The following GABRG3 variants were observed in gnomAD, a reference collection of about 807,000 sequenced individuals.
GABRG3 encodes the protein gamma-aminobutyric acid type A receptor subunit gamma3.
GABRG3 carries 25 observed loss-of-function variants against 48.8 expected under a neutral mutation model. The ratio of observed to expected loss-of-function variants is 0.51; its 90% CI spans 0.37 to 0.72. GABRG3 has a LOEUF of 0.72. GABRG3 is among the 30% of genes least tolerant of loss of function. GABRG3 has a pLI of 0.00. For missense variants in GABRG3, 394 were observed against 577.9 expected, an observed-to-expected ratio of 0.68 and a Z score of 3.26; for synonymous variants, 227 against 217.6, an observed-to-expected ratio of 1.04 and a Z score of -0.38.
chr15:27,332,698 T>C (rs1362666748), intron 5 of GABRG3, among the ~76,000 whole-genome samples: 1 of 152,182 alleles, frequency 6.6e-6, no homozygotes, highest in Non-Finnish European at 1.5e-5. Flanking sequence ...TTATATTCAC[T>C]ATCATACAAA....
At chr15:27,361,824 T>C (rs1217921361) in intron 5 of GABRG3, among the ~76,000 whole-genome samples, 1 of 152,234 alleles carries the variant, frequency 6.6e-6, no homozygotes, top group Non-Finnish European at 1.5e-5. Context: ...TTAAGCCACA[T>C]TACAAGATTT....
intron 3 of GABRG3, among the ~76,000 whole-genome samples, chr15:27,102,656 C>T (rs1897381232): frequency 6.6e-6 from 1 of 152,128 alleles, no homozygotes; most frequent in Non-Finnish European, 1.5e-5. Context: ...TTACTTTCTT[C>T]ACTAGGTGCT....
chr15:27,258,483 C>T (rs562815449), intron 3 of GABRG3, among the ~76,000 whole-genome samples: 75 of 152,012 alleles, frequency 4.9e-4, no homozygotes, highest in Non-Finnish European at 9.3e-4. Context: ...GAGTGTGAGC[C>T]GTGGGGCACA....
At chr15:27,135,938 A>C (rs1373986737) in intron 3 of GABRG3, among the ~76,000 whole-genome samples, 1 of 152,100 alleles carries the variant, frequency 6.6e-6, no homozygotes, top group Non-Finnish European at 1.5e-5. Flanking sequence ...AAGCAAAACA[A>C]AACAACAAAA....
At position 27,532,988 on chromosome 15, in the gene GABRG3, G is replaced by C; in HGVS notation, c.*107G>C. 1 of 1,026,886 alleles carries C rather than the reference G, an allele frequency of 9.7e-7. No homozygotes were observed. Among genetic ancestry groups the C allele is most frequent in the Non-Finnish European group, 1.4e-6 (1 of 713,480 alleles). The allele number at this position is 1,026,886 out of a possible 1,614,324, so 63.6% of individuals were successfully genotyped here. On this transcript the variant is annotated 3_prime_UTR_variant, in exon 10 of 10. Coordinates refer to ENST00000615808, the MANE Select transcript of GABRG3 (RefSeq NM_033223.5). ...GAGTAGCAAGGAAGGACACTGCCCA[G>C]TGTATCTTGTTATAAATGACCTTTC...
In GABRG3 at chr15:27,388,365, GAA is replaced by G. The variant is rs1201717894; in HGVS notation, c.574+59478_574+59479del. Among the ~76,000 whole-genome samples the G allele has an allele frequency of 1.1e-4, 8 of 75,364 alleles. 2 individuals are homozygous for G. Among genetic ancestry groups the G allele is most frequent in the Non-Finnish European group, 2.2e-4 (8 of 36,428 alleles). 49.4% of individuals were successfully genotyped at this position (75,364 alleles called of 152,430 possible). On this transcript the variant is annotated intron_variant, in intron 5 of 9. Transcript: ENST00000615808. The stretch of plus-strand genomic sequence containing the variant: ...GTGGGAGGGAGGGTAAGGAAGGAAG[GAA>G]GAAAGGAAGGAAGGAAGGAAAGGAG...
chr15:27,003,131 G>T (rs937500068), intron 2 of GABRG3, among the ~76,000 whole-genome samples: 1 of 149,090 alleles, frequency 6.7e-6, no homozygotes, highest in Non-Finnish European at 1.5e-5. Context: ...TATATCGTTG[G>T]TATTCAAGTA....
At position 27,535,750 on chromosome 15, in the gene GABRG3, G is replaced by A. The variant is rs1242674783; in HGVS notation, c.*2869G>A. 6.6e-6 allele frequency: 1 copy of A among 152,340 alleles called. No individual in the cohort carries two copies. The highest frequency in any genetic ancestry group is 6.5e-5 in the Admixed American group (1 of 15,290). The allele number at this position is 152,340 out of a possible 1,614,324, so 9.4% of individuals were successfully genotyped here. A position where few individuals can be genotyped will look rare whatever the true frequency, so the allele number is the denominator to read the frequency against. On this transcript the variant is annotated 3_prime_UTR_variant, in exon 10 of 10. Transcript: ENST00000615808. ...AGCCTTTTCAGTCCACAATGAGGAA[G>A]AGATGGGTGTGCCTTGGTGAGGTGC...
At chr15:27,287,835 T>C (rs1426710049) in intron 3 of GABRG3, among the ~76,000 whole-genome samples, 1 of 148,334 alleles carries the variant, frequency 6.7e-6, no homozygotes, top group Admixed American at 6.9e-5. Context: ...GCCTCCTGGG[T>C]TCATACCATT....
chr15:27,176,313 G>A (rs1354448024), intron 3 of GABRG3, among the ~76,000 whole-genome samples: 1 of 152,146 alleles, frequency 6.6e-6, no homozygotes, highest in African/African-American at 2.4e-5. Context: ...TGCTGTAGGG[G>A]CTATTGTGCT....
At chr15:27,487,354 G>T (rs897139301) in intron 6 of GABRG3, among the ~76,000 whole-genome samples, 6 of 152,140 alleles carry the variant, frequency 3.9e-5, no homozygotes, top group African/African-American at 1.2e-4. Flanking sequence ...CTACATAAGA[G>T]AATTTTATGG....
Position 27,532,815 on chromosome 15 carries a change from G to C in GABRG3, c.1338G>C (p.Arg446=). 1 of 1,613,932 alleles carries C rather than the reference G, an allele frequency of 6.2e-7. No homozygotes were observed. Among genetic ancestry groups the C allele is most frequent in the East Asian group, 2.2e-5 (1 of 44,882 alleles). Residue 446 remains arginine (R), a synonymous_variant, in exon 10 of 10, where the codon CGG becomes CGC. Transcript: ENST00000615808. The stretch of plus-strand genomic sequence containing the variant: ...TCTTGGAGCTGGACTCGTACTCCCG[G>C]GTCTTTTTCCCCACGTCCTTCCTGC... ...IDILELDSYS[R]VFFPTSFLLF... is the part of the protein sequence containing the mutation.
At chr15:27,266,396 C>G (rs1308134893) in intron 3 of GABRG3, among the ~76,000 whole-genome samples, 3 of 151,812 alleles carry the variant, frequency 2.0e-5, no homozygotes, top group Non-Finnish European at 4.4e-5. Flanking sequence ...TTGTTCTGTT[C>G]CATCGATCAA....
intron 3 of GABRG3, among the ~76,000 whole-genome samples, chr15:27,312,361 G>T (rs530519908): frequency 6.6e-6 from 1 of 152,120 alleles, no homozygotes; most frequent in East Asian, 1.9e-4. Flanking sequence ...AAGAGAAAGA[G>T]AAACACCAGA....
intron 5 of GABRG3, among the ~76,000 whole-genome samples, chr15:27,413,417 T>C (rs72705750): frequency 0.15 from 22,892 of 152,170 alleles, 1,879 homozygotes; most frequent in Middle Eastern, 0.25. Flanking sequence ...TTTACAATTA[T>C]ATGCAGATTG....
chr15:27,156,565 A>C (rs537252969), intron 3 of GABRG3, among the ~76,000 whole-genome samples: 1 of 152,138 alleles, frequency 6.6e-6, no homozygotes, highest in South Asian at 2.1e-4. Flanking sequence ...TCTCAGTCTT[A>C]TTATGATTGT....
intron 2 of GABRG3, among the ~76,000 whole-genome samples, chr15:27,021,388 G>GACC (rs1348314169): frequency 1.3e-5 from 2 of 152,170 alleles, no homozygotes; most frequent in African/African-American, 4.8e-5. Flanking sequence ...GCCTTCCAAT[G>GACC]ACCAGCTTTT....
At chr15:27,132,471 G>GT (rs59023766) in intron 3 of GABRG3, among the ~76,000 whole-genome samples, 644 of 39,454 alleles carry the variant, frequency 0.016, 15 homozygotes, top group East Asian at 0.044. Flanking sequence ...AGTAGTTACA[G>GT]TTTTTTTTTT....
intron 2 of GABRG3, among the ~76,000 whole-genome samples, chr15:26,993,895 G>C (rs1335975733): frequency 2.6e-5 from 4 of 151,788 alleles, no homozygotes; most frequent in Non-Finnish European, 5.9e-5. Context: ...CCAGTGTTGG[G>C]TGCATATATA....
Sources: gnomAD v4.1 joint callset for allele counts (sites outside exome capture counted in the v4.1 genomes callset) on GRCh38, gnomAD v4.1.1 for gene constraint, MANE v1.5 for transcripts, NCBI Gene and HGNC (gene_info 2026-07-23, HGNC 2026-07-21) for gene names.